Variants in RFX7 observed in about 807,000 individuals in gnomAD.
The protein encoded by RFX7 is DNA-binding protein RFX7.
In RFX7, 26 loss-of-function variants were observed where a neutral mutation model predicts 111.8. The observed-to-expected ratio is 0.23, with a 90% CI of 0.17 to 0.32. The LOEUF is 0.32. RFX7 is among the 10% of genes least tolerant of loss of function. The probability of loss-of-function intolerance (pLI) is 1.00; values close to 1 mark genes in which losing one functional copy is unlikely to be tolerated. For synonymous variants in RFX7, 624 were observed against 624.4 expected, an observed-to-expected ratio of 1.00 and a Z score of 0.01; for missense variants, 1,573 against 1,772.9, an observed-to-expected ratio of 0.89 and a Z score of 2.02.
chr15:56,194,125 T>C (rs1341765184), intron 2 of RFX7, among the ~76,000 whole-genome samples: 1 of 152,162 alleles, frequency 6.6e-6, no homozygotes, highest in African/African-American at 2.4e-5. Context: ...CAACAAATCA[T>C]TGATAAACTA....
At chr15:56,144,046 T>TA (rs1206906875) in intron 4 of RFX7, among the ~76,000 whole-genome samples, 1 of 152,146 alleles carries the variant, frequency 6.6e-6, no homozygotes, top group Non-Finnish European at 1.5e-5. Flanking sequence ...TGATAGTACC[T>TA]AAAAAAACTC....
rs572826262 is a variant in RFX7, at chr15:56,194,702, A to G, written c.162-15399T>C. Among the ~76,000 whole-genome samples the G allele has an allele frequency of 2.9e-4, 44 of 152,230 alleles. No homozygotes were observed. The South Asian group carries it at 8.5e-3, about 29-fold the overall frequency. ...TAGCCAGAAAAAAAGGAAATAAAAAACATTCGGAATCACACCATGAAGACA... is the reference window on the plus strand; with the variant it reads ...TAGCCAGAAAAAAAGGAAATAAAAAGCATTCGGAATCACACCATGAAGACA... On this transcript the variant is annotated intron_variant, in intron 2 of 9. Coordinates refer to ENST00000559447, the MANE Select transcript of RFX7 (RefSeq NM_022841.7).
intron 5 of RFX7, among the ~76,000 whole-genome samples, chr15:56,119,331 A>T (rs1443986165): frequency 1.3e-5 from 2 of 152,194 alleles, no homozygotes; most frequent in African/African-American, 4.8e-5. Context: ...CTTAGATTTA[A>T]GTCTTCAATC....
At chr15:56,112,379 C>CAAAAAAAAAAAAAAAAAAAAAAAAA (rs71110374) in intron 5 of RFX7, among the ~76,000 whole-genome samples, 22 of 71,764 alleles carry the variant, frequency 3.1e-4, no homozygotes, top group East Asian at 8.3e-4. Flanking sequence ...GAGTACAAAT[C>CAAAAAAAAAAAAAAAAAAAAAAAAA]AAAAAAAAAA....
rs1159355505 is a variant in RFX7, at chr15:56,144,658, G to A, written c.196-175C>T. The stretch of plus-strand genomic sequence containing the variant: ...AATGAGGTTATTTGATAAATTTATT[G>A]CATACAAAAATTTAATAAAAGAAAA... On this transcript the variant is annotated intron_variant, in intron 3 of 9. Transcript: ENST00000559447. Among the ~76,000 whole-genome samples the A allele has an allele frequency of 2.0e-5, 3 of 151,954 alleles. No homozygotes were observed. In the East Asian group the frequency reaches 5.8e-4, roughly 29 times the overall value.
At chr15:56,101,996 T>C (rs2041759671) in intron 7 of RFX7, among the ~76,000 whole-genome samples, 173 bp downstream of exon 7, 1 of 152,238 alleles carries the variant, frequency 6.6e-6, no homozygotes, top group Admixed American at 6.5e-5. Context: ...CCAAATTTCA[T>C]GTTGACGTAG....
At chr15:56,187,535 T>G (rs2043054522) in intron 2 of RFX7, among the ~76,000 whole-genome samples, 1 of 149,698 alleles carries the variant, frequency 6.7e-6, no homozygotes, top group Non-Finnish European at 1.5e-5. Context: ...CATGTGGCAA[T>G]GGTCACTTAG....
intron 2 of RFX7, among the ~76,000 whole-genome samples, chr15:56,189,352 C>G (rs957456435): frequency 9.9e-5 from 15 of 151,662 alleles, no homozygotes; most frequent in Non-Finnish European, 1.9e-4. Flanking sequence ...TGCAATTCAC[C>G]CAGGACAACA....
At chr15:56,206,258 A>G (rs1266367253) in intron 2 of RFX7, among the ~76,000 whole-genome samples, 10 of 152,220 alleles carry the variant, frequency 6.6e-5, no homozygotes, top group African/African-American at 2.4e-4. Context: ...ATCAGACATA[A>G]AAAAGAAAAA....
At chr15:56,239,180 A>G (rs1268533141) in intron 2 of RFX7, among the ~76,000 whole-genome samples, 3 of 152,146 alleles carry the variant, frequency 2.0e-5, no homozygotes, top group East Asian at 1.9e-4. Flanking sequence ...GCATATGTGT[A>G]ATGAGCATCT....
chr15:56,232,485 C>A (rs1315360691), intron 2 of RFX7, among the ~76,000 whole-genome samples: 1 of 152,174 alleles, frequency 6.6e-6, no homozygotes, highest in Non-Finnish European at 1.5e-5. Context: ...AGACCTCTCA[C>A]ATGCCCTGGA....
chr15:56,097,789 A>G (rs2041701637), intron 9 of RFX7, among the ~76,000 whole-genome samples: 1 of 142,902 alleles, frequency 7.0e-6, no homozygotes, highest in Admixed American at 7.2e-5. Flanking sequence ...TCAGCCAGGG[A>G]TGAAACAACT....
At chr15:56,123,584 A>G (rs2140973051) in intron 5 of RFX7, among the ~76,000 whole-genome samples, 1 of 152,284 alleles carries the variant, frequency 6.6e-6, no homozygotes, top group East Asian at 1.9e-4. Context: ...GTGTCTCAAT[A>G]GGTGGTATGC....
chr15:56,144,351 G>C, intron 4 of RFX7, 50 bp downstream of exon 4: 2 of 1,039,892 alleles, frequency 1.9e-6, no homozygotes, highest in Non-Finnish European at 2.7e-6. Flanking sequence ...ATATATCCTA[G>C]GGACATCCTA....
At position 56,096,448 on chromosome 15, in the gene RFX7, T is replaced by A; in HGVS notation, c.1280A>T (p.His427Leu). ...ASPGGDRSAR[H>L]RYPQILPKPA... The stretch of plus-strand genomic sequence containing the variant: ...TTTGGGTAAGATCTGAGGGTAACGG[T>A]GCCGGGCAGAACGATCCCCACCAGG... Residue 427 changes from histidine (H) to leucine (L), a missense_variant, in exon 10 of 10, where the codon CAC becomes CTC. Transcript: ENST00000559447. The A allele has an allele frequency of 6.2e-7, 1 of 1,613,188 alleles. No individual in the cohort carries two copies. Among genetic ancestry groups the A allele is most frequent in the Non-Finnish European group, 8.5e-7 (1 of 1,179,530 alleles).
chr15:56,200,925 T>C (rs961412028), intron 2 of RFX7, among the ~76,000 whole-genome samples: 1 of 152,050 alleles, frequency 6.6e-6, no homozygotes, highest in Non-Finnish European at 1.5e-5. Context: ...GCTATGTATG[T>C]ACAAGTCTTT....
chr15:56,186,712 A>G (rs1027337221), intron 2 of RFX7, among the ~76,000 whole-genome samples: 92 of 151,308 alleles, frequency 6.1e-4, no homozygotes, highest in African/African-American at 2.1e-3. Context: ...CTATACATAT[A>G]TGTGTGTATA....
intron 2 of RFX7, among the ~76,000 whole-genome samples, chr15:56,182,760 G>A (rs1421206344): frequency 6.6e-6 from 1 of 152,070 alleles, no homozygotes; most frequent in Non-Finnish European, 1.5e-5. Flanking sequence ...AGGTAATTAT[G>A]TAGCTTCCAG....
intron 2 of RFX7, among the ~76,000 whole-genome samples, chr15:56,214,478 G>A (rs1488781828): frequency 3.3e-5 from 5 of 152,142 alleles, no homozygotes; most frequent in African/African-American, 9.6e-5. Flanking sequence ...CACTTTGGGA[G>A]GCCGAGGTGG....
Sources: gnomAD v4.1 joint callset for allele counts (sites outside exome capture counted in the v4.1 genomes callset) on GRCh38, gnomAD v4.1.1 for gene constraint, MANE v1.5 for transcripts, NCBI Gene and HGNC (gene_info 2026-07-23, HGNC 2026-07-21) for gene names.